The following SLC39A11 variants were observed in gnomAD, a reference collection of about 807,000 sequenced individuals.
The protein encoded by SLC39A11 is zinc transporter ZIP11.
In SLC39A11, 33 loss-of-function variants were observed where a neutral mutation model predicts 36.1. The observed-to-expected ratio is 0.91, with a 90% CI of 0.69 to 1.22. SLC39A11 has a LOEUF of 1.22. Ranked by LOEUF, SLC39A11 falls within the 50% of genes most tolerant of loss-of-function variation. The pLI is 0.00. For synonymous variants in SLC39A11, 166 were observed against 170.3 expected (o/e 0.97, Z 0.20); for missense variants, 432 against 430.3 (o/e 1.00, Z -0.03).
At chr17:72,961,015 G>A (rs998740191) in intron 4 of SLC39A11, among the ~76,000 whole-genome samples, 22 of 152,134 alleles carry the variant, frequency 1.4e-4, no homozygotes, top group African/African-American at 4.8e-4. Flanking sequence ...CCTGACTCCA[G>A]GAACACGAGG....
In SLC39A11 at chr17:73,063,540, G is replaced by A. The variant is rs138649881; in HGVS notation, c.147+21268C>T. ...TGAGGCAGGAGAATCACTTGAACCC[G>A]GGAGGCAGAGGTTGCAATGAGCCGA... is the stretch of plus-strand genomic sequence containing the variant. On this transcript the variant is annotated intron_variant, in intron 3 of 9. Coordinates refer to ENST00000255559, the MANE Select transcript of SLC39A11 (RefSeq NM_139177.4). Among the ~76,000 whole-genome samples, 16 of 152,132 alleles carry A rather than the reference G, an allele frequency of 1.1e-4. No homozygotes were observed. The East Asian group carries it at 1.4e-3, about 13-fold the overall frequency.
At chr17:73,044,739 T>C (rs56104131) in intron 3 of SLC39A11, among the ~76,000 whole-genome samples, 24,490 of 151,852 alleles carry the variant, frequency 0.16, 2,059 homozygotes, top group Middle Eastern at 0.19. Flanking sequence ...CTGGGGATGG[T>C]GGTGGGTACC....
intron 5 of SLC39A11, among the ~76,000 whole-genome samples, chr17:72,905,908 C>A (rs893729222): frequency 6.6e-6 from 1 of 152,148 alleles, no homozygotes; most frequent in Non-Finnish European, 1.5e-5. Context: ...CGCCCGCCAC[C>A]ACGCCCGGCT....
At chr17:72,980,417 G>A (rs989013122) in intron 4 of SLC39A11, among the ~76,000 whole-genome samples, 15 of 152,198 alleles carry the variant, frequency 9.9e-5, no homozygotes, top group Non-Finnish European at 1.9e-4. Context: ...TGGATAGATG[G>A]AGTGGTGAGC....
At chr17:72,718,592 C>T (rs543433303) in intron 7 of SLC39A11, among the ~76,000 whole-genome samples, 3 of 152,166 alleles carry the variant, frequency 2.0e-5, no homozygotes, top group African/African-American at 4.8e-5. Context: ...CAGCCAGGCA[C>T]GTCACTTAAC....
chr17:72,647,288 G>A lies in SLC39A11; in HGVS notation c.*296C>T. 2 of 239,000 alleles carry A rather than the reference G, an allele frequency of 8.4e-6. No homozygotes were observed. The highest frequency in any genetic ancestry group is 7.1e-5 in the South Asian group (1 of 14,140). The allele number at this position is 239,000 out of a possible 1,614,324, so 14.8% of individuals were successfully genotyped here. A position where few individuals can be genotyped will look rare whatever the true frequency, so the allele number is the denominator to read the frequency against. ...GGAGGCAGATAGAAGGTCCCGAAGT[G>A]GAGATTTCCCTGATCTGAAGTTCCT... On this transcript the variant is annotated 3_prime_UTR_variant, in exon 10 of 10. Coordinates refer to ENST00000255559, the MANE Select transcript of SLC39A11 (RefSeq NM_139177.4).
intron 3 of SLC39A11, among the ~76,000 whole-genome samples, chr17:73,042,197 G>A (rs1426776257): frequency 6.6e-6 from 1 of 152,152 alleles, no homozygotes; most frequent in African/African-American, 2.4e-5. Context: ...AGTAGTGACA[G>A]TTTCAATACC....
At chr17:72,991,274 ATTATT>A (rs1050146049) in intron 4 of SLC39A11, among the ~76,000 whole-genome samples, 1 of 152,078 alleles carries the variant, frequency 6.6e-6, no homozygotes, top group Non-Finnish European at 1.5e-5. Flanking sequence ...AATTCACACT[ATTATT>A]TTATACAATT....
At chr17:72,891,346 G>A (rs1015273461) in intron 5 of SLC39A11, among the ~76,000 whole-genome samples, 20 of 152,102 alleles carry the variant, frequency 1.3e-4, no homozygotes, top group Non-Finnish European at 1.0e-4. Context: ...GCTTGAACCC[G>A]GGAGGTGATT....
Position 72,915,007 on chromosome 17 carries a change from T to C in SLC39A11, c.430+32745A>G, listed in dbSNP as rs150950907. ...CAGGCTGGGGCCACTTTGTTTTTCA[T>C]TGGGAAAAAATGGATTTTCTTTTTA... On this transcript the variant is annotated intron_variant, in intron 5 of 9. Coordinates refer to ENST00000255559, the MANE Select transcript of SLC39A11 (RefSeq NM_139177.4). Among the ~76,000 whole-genome samples the C allele has an allele frequency of 1.9e-3, 292 of 152,312 alleles. 3 individuals are homozygous for C. The South Asian group carries it at 0.023, about 12-fold the overall frequency.
chr17:72,663,169 C>T (rs376091032), intron 7 of SLC39A11, among the ~76,000 whole-genome samples: 1 of 152,196 alleles, frequency 6.6e-6, no homozygotes, highest in African/African-American at 2.4e-5. Flanking sequence ...AATTTAATGG[C>T]CATTAGCCCA....
At chr17:72,714,185 G>A (rs759620186) in intron 7 of SLC39A11, among the ~76,000 whole-genome samples, 2 of 151,992 alleles carry the variant, frequency 1.3e-5, no homozygotes, top group Non-Finnish European at 2.9e-5. Flanking sequence ...GTGAAACCTC[G>A]TCTCTACTAA....
intron 7 of SLC39A11, among the ~76,000 whole-genome samples, chr17:72,734,899 G>A (rs570859164): frequency 2.8e-4 from 42 of 152,260 alleles, no homozygotes; most frequent in African/African-American, 7.5e-4. Flanking sequence ...GCTTGACTCT[G>A]AAGTCTCTTG....
chr17:72,747,832 A>T (rs887203257), intron 6 of SLC39A11, among the ~76,000 whole-genome samples: 1 of 152,246 alleles, frequency 6.6e-6, no homozygotes, highest in Non-Finnish European at 1.5e-5. Context: ...GCCAGGTATT[A>T]TTGCCAAGGA....
intron 6 of SLC39A11, among the ~76,000 whole-genome samples, chr17:72,778,278 C>G (rs1419758675): frequency 1.3e-5 from 2 of 152,164 alleles, no homozygotes; most frequent in African/African-American, 2.4e-5. Context: ...AGAGGCTCAG[C>G]TCCGCAGAGG....
chr17:73,035,462 T>TG (rs2058875017), intron 3 of SLC39A11, among the ~76,000 whole-genome samples: 1 of 151,556 alleles, frequency 6.6e-6, no homozygotes, highest in South Asian at 2.1e-4. Context: ...AAAGGGCGAG[T>TG]GGGGTAGAAA....
chr17:72,857,577 C>A (rs1052899600), intron 5 of SLC39A11, among the ~76,000 whole-genome samples: 2 of 152,166 alleles, frequency 1.3e-5, no homozygotes. Context: ...AGTTCAACAA[C>A]GGTTGAACTA....
chr17:72,657,308 C>T (rs1198364196), intron 7 of SLC39A11, among the ~76,000 whole-genome samples: 6 of 152,054 alleles, frequency 3.9e-5, no homozygotes, highest in African/African-American at 9.7e-5. Context: ...TACAGTGAGC[C>T]GAGATAGCGC....
At chr17:72,654,604 C>T (rs2070020461) in intron 7 of SLC39A11, among the ~76,000 whole-genome samples, 1 of 152,230 alleles carries the variant, frequency 6.6e-6, no homozygotes, top group South Asian at 2.1e-4. Flanking sequence ...TTCAGCATCT[C>T]CTTGTAGCCC....
Sources: gnomAD v4.1 joint callset for allele counts (sites outside exome capture counted in the v4.1 genomes callset) on GRCh38, gnomAD v4.1.1 for gene constraint, MANE v1.5 for transcripts, NCBI Gene and HGNC (gene_info 2026-07-23, HGNC 2026-07-21) for gene names.